RIC1: variants seen among roughly 807,000 people sequenced by gnomAD.
RIC1 encodes the protein RIC1 partner of RAB6A GEF complex, also known as guanine nucleotide exchange factor subunit RIC1.
A neutral mutation model predicts 169.0 loss-of-function variants in RIC1; 88 were observed. The observed-to-expected ratio is 0.52, with a 90% confidence interval of 0.44 to 0.62. The LOEUF is 0.62. Ranked by LOEUF, RIC1 falls within the 20% of genes least tolerant of loss-of-function variation. The probability of loss-of-function intolerance (pLI) is 0.00; values close to 1 mark genes in which losing one functional copy is unlikely to be tolerated. For missense variants in RIC1, 1,877 were observed against 1,725.5 expected, an observed-to-expected ratio of 1.09 and a Z score of -1.56; for synonymous variants, 790 against 601.5, an observed-to-expected ratio of 1.31 and a Z score of -4.59.
chr9:5,698,664 C>G (rs139596094), intron 3 of RIC1, among the ~76,000 whole-genome samples: 1 of 152,258 alleles, frequency 6.6e-6, no homozygotes, highest in African/African-American at 2.4e-5. Context: ...GGCCCAGGTT[C>G]CAGTTCAGAT....
At chr9:5,701,402 G>A (rs1369932929) in intron 3 of RIC1, among the ~76,000 whole-genome samples, 12 of 151,804 alleles carry the variant, frequency 7.9e-5, no homozygotes, top group South Asian at 2.1e-4. Context: ...ACTTGAGGTC[G>A]GGAGTTCAAG....
chr9:5,773,841 C>A, intron 25 of RIC1, 117 bp from the exon 26 acceptor site: 1 of 957,012 alleles, frequency 1.0e-6, no homozygotes, highest in Non-Finnish European at 1.5e-6. Flanking sequence ...CTCCTCTCTC[C>A]CCTCCTAATC....
chr9:5,767,210 C>T (rs1049679032), intron 21 of RIC1, among the ~76,000 whole-genome samples: 6 of 152,166 alleles, frequency 3.9e-5, no homozygotes, highest in Non-Finnish European at 8.8e-5. Flanking sequence ...AAATTTAGTG[C>T]TAATGCATTT....
At chr9:5,654,909 T>G (rs1359437307) in intron 1 of RIC1, among the ~76,000 whole-genome samples, 2 of 152,154 alleles carry the variant, frequency 1.3e-5, no homozygotes, top group East Asian at 3.9e-4. Flanking sequence ...TATAGAAAAT[T>G]TATTGACTTT....
chr9:5,665,568 T>C (rs963165896), intron 2 of RIC1, among the ~76,000 whole-genome samples: 5 of 152,174 alleles, frequency 3.3e-5, no homozygotes, highest in African/African-American at 1.2e-4. Flanking sequence ...TTTCTTATCT[T>C]TGTGGGCTTA....
chr9:5,629,752 C>G (rs1266053668), intron 1 of RIC1, among the ~76,000 whole-genome samples: 2 of 152,210 alleles, frequency 1.3e-5, no homozygotes, highest in African/African-American at 4.8e-5. Flanking sequence ...CGAGCCCAGA[C>G]TTGTTCTTCT....
intron 9 of RIC1, 40 bp downstream of exon 9, chr9:5,743,053 T>TA: frequency 6.3e-7 from 1 of 1,585,150 alleles, no homozygotes. Flanking sequence ...AATAACTCCA[T>TA]TATTTCTCAC....
chr9:5,630,221 C>G (rs1817653418), intron 1 of RIC1, among the ~76,000 whole-genome samples: 1 of 152,158 alleles, frequency 6.6e-6, no homozygotes, highest in Admixed American at 6.5e-5. Flanking sequence ...TATTGAATTA[C>G]TGAGTAGATA....
intron 21 of RIC1, among the ~76,000 whole-genome samples, chr9:5,767,776 G>A (rs538390888): frequency 7.4e-4 from 112 of 152,066 alleles, no homozygotes; most frequent in African/African-American, 2.6e-3. Context: ...TAGTAGAGAC[G>A]GGGTTTCTCC....
At chr9:5,733,092 A>C (rs1366484505) in intron 7 of RIC1, among the ~76,000 whole-genome samples, 1 of 152,034 alleles carries the variant, frequency 6.6e-6, no homozygotes, top group East Asian at 1.9e-4. Context: ...TAAAACGATT[A>C]TATTAGTTGT....
At chr9:5,683,381 G>A (rs968683033) in intron 2 of RIC1, among the ~76,000 whole-genome samples, 2 of 152,222 alleles carry the variant, frequency 1.3e-5, no homozygotes, top group Non-Finnish European at 2.9e-5. Context: ...ACCCTCAGCT[G>A]CAGGTCTGTT....
At chr9:5,761,626 C>T (rs905593983) in intron 17 of RIC1, among the ~76,000 whole-genome samples, 1 of 152,208 alleles carries the variant, frequency 6.6e-6, no homozygotes, top group East Asian at 1.9e-4. Context: ...TCTAGCACCT[C>T]AGCTAACCTG....
chr9:5,675,164 G>A (rs1011038807), intron 2 of RIC1, among the ~76,000 whole-genome samples: 3 of 152,142 alleles, frequency 2.0e-5, no homozygotes, highest in African/African-American at 7.2e-5. Context: ...AGACCGCACA[G>A]GCTAAACTAA....
At chr9:5,669,084 G>A (rs1364894443) in intron 2 of RIC1, among the ~76,000 whole-genome samples, 1 of 152,158 alleles carries the variant, frequency 6.6e-6, no homozygotes, top group Non-Finnish European at 1.5e-5. Flanking sequence ...TTCCTTTTAT[G>A]ATTTTTTGAA....
intron 2 of RIC1, among the ~76,000 whole-genome samples, chr9:5,664,687 A>C (rs755887506): frequency 6.6e-6 from 1 of 152,144 alleles, no homozygotes; most frequent in Non-Finnish European, 1.5e-5. Flanking sequence ...GTTCTCCTGG[A>C]TGATATCCTG....
chr9:5,735,027 C>T (rs999947253), intron 7 of RIC1, among the ~76,000 whole-genome samples: 1 of 152,050 alleles, frequency 6.6e-6, no homozygotes, highest in African/African-American at 2.4e-5. Context: ...TCTATAGCTC[C>T]TTTGTTCCAA....
At position 5,671,953 on chromosome 9, in the gene RIC1, C is replaced by A. The variant is rs549891503; in HGVS notation, c.252+15263C>A. 9.8e-5 allele frequency among the ~76,000 whole-genome samples: 15 copies of A among 152,296 alleles called. 1 individual carries two copies. The South Asian group carries it at 2.9e-3, about 29-fold the overall frequency. On this transcript the variant is annotated intron_variant, in intron 2 of 25. Coordinates refer to ENST00000414202, the MANE Select transcript of RIC1 (RefSeq NM_020829.4). ...TTCAGAAAAGGGAGGACTGTGTCTG[C>A]TCCTGGAAGTGGACATTAGCAGGGC...
chr9:5,723,057 T>C (rs910162428), intron 6 of RIC1, among the ~76,000 whole-genome samples: 16 of 152,234 alleles, frequency 1.1e-4, no homozygotes, highest in African/African-American at 3.6e-4. Flanking sequence ...TTTATAATCC[T>C]TTGGGTATAT....
intron 6 of RIC1, among the ~76,000 whole-genome samples, chr9:5,727,662 C>G (rs1276514863): frequency 6.6e-6 from 1 of 152,192 alleles, no homozygotes; most frequent in East Asian, 1.9e-4. Context: ...TGGTTTCTCC[C>G]CATCTTTGGT....
Sources: gnomAD v4.1 joint callset for allele counts (sites outside exome capture counted in the v4.1 genomes callset) on GRCh38, gnomAD v4.1.1 for gene constraint, MANE v1.5 for transcripts, NCBI Gene and HGNC (gene_info 2026-07-23, HGNC 2026-07-21) for gene names.